Variants in TSGA10IP observed in about 807,000 individuals in gnomAD.
TSGA10IP encodes the protein testis specific 10 interacting protein, also known as testis-specific protein 10-interacting protein.
TSGA10IP carries 64 observed loss-of-function variants against 63.2 expected under a neutral mutation model. The ratio of observed to expected loss-of-function variants is 1.01; its 90% CI spans 0.83 to 1.25. TSGA10IP has a LOEUF of 1.25. TSGA10IP is among the 50% of genes most tolerant of loss of function. The pLI is 0.00. For missense variants in TSGA10IP, 681 were observed against 710.1 expected (o/e 0.96, Z 0.47); for synonymous variants, 316 against 298.3 (o/e 1.06, Z -0.61).
chr11:65,945,779 C>G (rs371300971), exon 1 of TSGA10IP: 2 of 1,613,860 alleles, frequency 1.2e-6, no homozygotes, highest in Non-Finnish European at 1.7e-6. Context: ...GGAACCAGAA[C>G]GGGGCTGCTC....
At chr11:65,948,199 A>T in intron 4 of TSGA10IP, 51 bp downstream of exon 4, 1 of 1,544,902 alleles carries the variant, frequency 6.5e-7, no homozygotes, top group Non-Finnish European at 8.7e-7. Flanking sequence ...GTAGAGATGG[A>T]GCCACTTCTC....
intron 1 of TSGA10IP, 32 bp from the exon 2 acceptor site, chr11:65,946,848 C>T (rs758701285): frequency 1.9e-6 from 3 of 1,608,460 alleles, no homozygotes; most frequent in African/African-American, 1.3e-5. Context: ...GCTGCTCAAG[C>T]TGGCTGCTCC....
chr11:65,946,792 G>A (rs936635348), intron 1 of TSGA10IP, 88 bp from the exon 2 acceptor site: 3 of 1,481,716 alleles, frequency 2.0e-6, no homozygotes, highest in Non-Finnish European at 2.7e-6. Flanking sequence ...GGCCCAGCCA[G>A]GTGCACAGAG....
At position 65,958,330 on chromosome 11, in the gene TSGA10IP, T is replaced by C. The variant is rs1009184676; in HGVS notation, c.1323-553T>C. ...TGTGTTTTTTAAATTTGAAACATAT[T>C]TTTTTTTAGTTTCTCTGTCCCATTT... On this transcript the variant is annotated intron_variant, in intron 5 of 7. Coordinates refer to ENST00000532620, the Ensembl canonical transcript of TSGA10IP. Among the ~76,000 whole-genome samples the C allele has an allele frequency of 1.8e-4, 27 of 152,046 alleles. No individual in the cohort carries two copies. The South Asian group carries it at 2.3e-3, about 13-fold the overall frequency.
At chr11:65,959,899 A>T in exon 8 of TSGA10IP, 1 of 1,612,546 alleles carries the variant, frequency 6.2e-7, no homozygotes, top group Non-Finnish European at 8.5e-7. Context: ...CCAGCCTGAC[A>T]GGCACTACAA....
intron 5 of TSGA10IP, among the ~76,000 whole-genome samples, 185 bp from the exon 6 acceptor site, chr11:65,958,698 G>A (rs900729470): frequency 6.6e-6 from 1 of 152,220 alleles, no homozygotes; most frequent in Non-Finnish European, 1.5e-5. Flanking sequence ...TCCGTAAATT[G>A]GGTGAATAAT....
chr11:65,945,995 G>C, intron 1 of TSGA10IP, 173 bp downstream of exon 1: 2 of 708,640 alleles, frequency 2.8e-6, no homozygotes, highest in Non-Finnish European at 4.6e-6. Flanking sequence ...CTTGGGAGAA[G>C]CCGAGGGATG....
In TSGA10IP at chr11:65,951,600, C is replaced by T. The variant is rs376673848; in HGVS notation, c.1152-1967C>T. Among the ~76,000 whole-genome samples the T allele has an allele frequency of 5.0e-4, 75 of 150,998 alleles. 3 individuals carry two copies. Among genetic ancestry groups the T allele is most frequent in the Admixed American group, 2.6e-3 (40 of 15,100 alleles). The stretch of plus-strand genomic sequence containing the variant: ...TCGCCCAGGCTAGAGTGCAGTGCCA[C>T]GATCATAGCTCACTGCAGCTTTGAA... On this transcript the variant is annotated intron_variant, in intron 4 of 7. Coordinates refer to ENST00000532620, the Ensembl canonical transcript of TSGA10IP.
chr11:65,947,140 C>A, exon 3 of TSGA10IP: 1 of 1,612,132 alleles, frequency 6.2e-7, no homozygotes, highest in East Asian at 2.2e-5. Flanking sequence ...GGAAACCCTC[C>A]TTCCCCTTCC....
At chr11:65,957,548 G>A (rs958461256) in intron 5 of TSGA10IP, among the ~76,000 whole-genome samples, 5 of 152,204 alleles carry the variant, frequency 3.3e-5, no homozygotes, top group East Asian at 3.8e-4. Context: ...GGTGAAAGCC[G>A]TTTTTGCAGT....
chr11:65,949,714 C>T (rs1351558786), intron 4 of TSGA10IP, among the ~76,000 whole-genome samples: 2 of 151,748 alleles, frequency 1.3e-5, no homozygotes, highest in Non-Finnish European at 2.9e-5. Context: ...TGCGCCCAGC[C>T]ACAATTCTTT....
chr11:65,953,370 T>C (rs1308733), intron 4 of TSGA10IP, among the ~76,000 whole-genome samples, 197 bp from the exon 5 acceptor site: 67,374 of 151,892 alleles, frequency 0.44, 15,935 homozygotes, highest in Middle Eastern at 0.61. Context: ...GGAAAGGCCT[T>C]GAGCTGGGAC....
intron 4 of TSGA10IP, 128 bp downstream of exon 4, chr11:65,948,276 TCATCCATCCATCCATC>T (rs200343600): frequency 2.0e-5 from 21 of 1,048,872 alleles, no homozygotes; most frequent in East Asian, 5.9e-5. Context: ...AACTTTTGGA[TCATCCATCCATCCATC>T]CATCCATCCA....
At chr11:65,945,587 T>A in exon 1 of TSGA10IP, 1 of 1,477,722 alleles carries the variant, frequency 6.8e-7, no homozygotes, top group South Asian at 1.3e-5. Context: ...GCATGCTTTT[T>A]GCCAGACCCA....
At chr11:65,950,626 G>A (rs796559400) in intron 4 of TSGA10IP, among the ~76,000 whole-genome samples, 22 of 151,304 alleles carry the variant, frequency 1.5e-4, no homozygotes, top group African/African-American at 4.4e-4. Context: ...GCAGTGGCGC[G>A]ATCTCAGCTC....
intron 4 of TSGA10IP, 27 bp downstream of exon 4, chr11:65,948,175 G>A (rs755636495): frequency 1.9e-6 from 3 of 1,589,948 alleles, no homozygotes; most frequent in African/African-American, 2.7e-5. Flanking sequence ...GGGAGTGGGA[G>A]CCCAGAATGA....
chr11:65,955,064 G>A lies in TSGA10IP; in HGVS notation c.1322+1327G>A, dbSNP rs1021374148. 3.3e-5 allele frequency among the ~76,000 whole-genome samples: 5 copies of A among 152,266 alleles called. 1 individual carries two copies. On this transcript the variant is annotated intron_variant, in intron 5 of 7. Coordinates refer to ENST00000532620, the Ensembl canonical transcript of TSGA10IP. Reference sequence around the variant, plus strand: ...GGGTGTGTTTTTTTACCATCAAAACGAGGAAAATGTTGCTATAAGCTAAAC... The same window carrying A: ...GGGTGTGTTTTTTTACCATCAAAACAAGGAAAATGTTGCTATAAGCTAAAC...
intron 5 of TSGA10IP, among the ~76,000 whole-genome samples, chr11:65,956,212 A>C (rs1424371853): frequency 1.4e-5 from 2 of 147,614 alleles, no homozygotes; most frequent in Non-Finnish European, 3.0e-5. Flanking sequence ...ATCTCGGCTC[A>C]CCGCAACCTC....
At chr11:65,946,783 G>A (rs1017507999) in intron 1 of TSGA10IP, 97 bp from the exon 2 acceptor site, 57 of 1,430,876 alleles carry the variant, frequency 4.0e-5, no homozygotes, top group Middle Eastern at 2.3e-4. Context: ...ACCCAGCCAG[G>A]CCCAGCCAGG....
Sources: allele counts gnomAD v4.1 joint callset (sites outside exome capture counted in the v4.1 genomes callset), GRCh38; gene constraint gnomAD v4.1.1; transcripts MANE v1.5; gene names NCBI Gene and HGNC (gene_info 2026-07-23, HGNC 2026-07-21).